The following PCDH11Y variants were observed in gnomAD, a reference collection of about 807,000 sequenced individuals.
PCDH11Y encodes protocadherin-11 Y-linked.
For missense variants in PCDH11Y, 12 were observed against 224.8 expected (o/e 0.05, Z 6.05); for synonymous variants, 9 against 83.6 (o/e 0.11, Z 4.87).
chrY:5,675,015 C>T, intron 4 of PCDH11Y, among the ~76,000 whole-genome samples: 1 of 33,680 alleles, frequency 3.0e-5, no homozygotes, highest in Non-Finnish European at 7.4e-5. Flanking sequence ...CTGGAAGGTC[C>T]TTTTGGCTAA....
intron 2 of PCDH11Y, among the ~76,000 whole-genome samples, chrY:5,441,729 C>G: frequency 5.8e-5 from 2 of 34,365 alleles, no homozygotes; most frequent in Non-Finnish European, 1.5e-4. Context: ...ACTTTGGGTC[C>G]TGGCAGCTTT....
intron 2 of PCDH11Y, among the ~76,000 whole-genome samples, chrY:5,247,406 A>T: frequency 3.0e-5 from 1 of 32,976 alleles, no homozygotes; most frequent in African/African-American, 1.2e-4. Flanking sequence ...AATCAAATTA[A>T]AACTCAGGAT....
chrY:5,357,232 CGT>C (rs2124671229), intron 2 of PCDH11Y, among the ~76,000 whole-genome samples: 1 of 14,450 alleles, frequency 6.9e-5, no homozygotes, highest in East Asian at 1.4e-3. Context: ...TATATATATA[CGT>C]GTATATATAT....
At chrY:5,404,484 A>G in intron 2 of PCDH11Y, among the ~76,000 whole-genome samples, 1 of 33,354 alleles carries the variant, frequency 3.0e-5, no homozygotes, top group African/African-American at 1.2e-4. Context: ...ATTAGGGATG[A>G]TCAGACATAA....
chrY:5,196,071 A>C, intron 2 of PCDH11Y, among the ~76,000 whole-genome samples: 1 of 32,712 alleles, frequency 3.1e-5, no homozygotes, highest in African/African-American at 1.2e-4. Context: ...CCATATAATC[A>C]TGAGAGCTTT....
At chrY:5,363,136 A>G (rs2053176135) in intron 2 of PCDH11Y, among the ~76,000 whole-genome samples, 1 of 32,550 alleles carries the variant, frequency 3.1e-5, no homozygotes, top group Non-Finnish European at 7.5e-5. Context: ...ATGCATTAAT[A>G]TGTGCATTGG....
intron 4 of PCDH11Y, among the ~76,000 whole-genome samples, chrY:5,713,900 A>AT (rs530846047): frequency 3.6e-3 from 99 of 27,207 alleles, no homozygotes; most frequent in African/African-American, 0.011. Flanking sequence ...AACATTGCTA[A>AT]TTTTTTTTTT....
intron 2 of PCDH11Y, among the ~76,000 whole-genome samples, chrY:5,267,630 A>C: frequency 3.1e-5 from 1 of 32,557 alleles, no homozygotes; most frequent in Non-Finnish European, 7.5e-5. Context: ...AAGGAAAAAA[A>C]CCTAGCTTTC....
chrY:5,477,920 T>C (rs7067350), intron 2 of PCDH11Y, among the ~76,000 whole-genome samples: 4,436 of 32,372 alleles, frequency 0.14, no homozygotes, highest in African/African-American at 0.56. Context: ...TCCTTACTAG[T>C]CTAGCTAGCA....
At chrY:5,047,551 A>T in intron 3 of PCDH11Y, among the ~76,000 whole-genome samples, 1 of 33,619 alleles carries the variant, frequency 3.0e-5, no homozygotes, top group South Asian at 6.5e-4. Flanking sequence ...GGTTAATATT[A>T]CATTTATATT....
At chrY:5,522,143 G>A (rs2053382117) in intron 3 of PCDH11Y, among the ~76,000 whole-genome samples, 1 of 32,192 alleles carries the variant, frequency 3.1e-5, no homozygotes, top group Admixed American at 2.8e-4. Flanking sequence ...AAAGTGCTGG[G>A]ATTACAGGCG....
intron 3 of PCDH11Y, among the ~76,000 whole-genome samples, chrY:5,511,176 A>G: frequency 3.0e-5 from 1 of 33,301 alleles, no homozygotes; most frequent in African/African-American, 1.2e-4. Flanking sequence ...ACTTTGCAGT[A>G]ATAATGTTTT....
chrY:5,088,935 G>A, intron 1 of PCDH11Y, among the ~76,000 whole-genome samples: 1 of 31,064 alleles, frequency 3.2e-5, no homozygotes, highest in African/African-American at 1.3e-4. Flanking sequence ...AGGACAAATG[G>A]CAATGAATTC....
At chrY:5,437,640 A>C in intron 2 of PCDH11Y, among the ~76,000 whole-genome samples, 5 of 29,952 alleles carry the variant, frequency 1.7e-4, no homozygotes, top group Admixed American at 9.2e-4. Context: ...AATCTACCCC[A>C]TTTTCCTTGA....
At chrY:5,298,615 C>T in intron 2 of PCDH11Y, among the ~76,000 whole-genome samples, 1 of 33,331 alleles carries the variant, frequency 3.0e-5, no homozygotes, top group Non-Finnish European at 7.4e-5. Context: ...ATCATTTACA[C>T]GTGGTCATTC....
intron 2 of PCDH11Y, among the ~76,000 whole-genome samples, chrY:5,485,968 C>T (rs1602932394): frequency 4.2e-5 from 1 of 23,618 alleles, no homozygotes; most frequent in East Asian, 1.0e-3. Context: ...TATCCAAAGA[C>T]GATTTATCCA....
chrY:5,586,506 GT>G (rs2053456277), intron 4 of PCDH11Y, among the ~76,000 whole-genome samples: 1 of 30,060 alleles, frequency 3.3e-5, no homozygotes. Flanking sequence ...CTGAAAAAAT[GT>G]TTTTTTTGTT....
chrY:5,344,225 T>C (rs2124669395), intron 2 of PCDH11Y, among the ~76,000 whole-genome samples: 2 of 33,834 alleles, frequency 5.9e-5, no homozygotes, highest in Non-Finnish European at 1.5e-4. Context: ...ATTTACATAA[T>C]GCATGTATTC....
At chrY:5,575,364 C>T in intron 3 of PCDH11Y, among the ~76,000 whole-genome samples, 1 of 32,233 alleles carries the variant, frequency 3.1e-5, no homozygotes, top group Non-Finnish European at 7.6e-5. Context: ...AATAAATAGA[C>T]AAGAGATTGT....
Sources: gnomAD v4.1 joint callset for allele counts (sites outside exome capture counted in the v4.1 genomes callset) on GRCh38, gnomAD v4.1.1 for gene constraint, MANE v1.5 for transcripts, NCBI Gene and HGNC (gene_info 2026-07-23, HGNC 2026-07-21) for gene names.